The following FBXO11 variants were observed in gnomAD, a reference collection of about 807,000 sequenced individuals.
FBXO11 encodes the protein F-box only protein 11.
In FBXO11, 13 loss-of-function variants were observed where a neutral mutation model predicts 117.0. That is an observed-to-expected ratio of 0.11 (90% CI 0.07 to 0.18). The LOEUF (loss-of-function observed/expected upper bound fraction) is 0.18. Ranked by LOEUF, FBXO11 falls within the 10% of genes least tolerant of loss-of-function variation. FBXO11 has a pLI of 1.00. For synonymous variants in FBXO11, 490 were observed against 380.5 expected (o/e 1.29, Z -3.35); for missense variants, 767 against 1,164.4 (o/e 0.66, Z 4.97).
intron 1 of FBXO11, among the ~76,000 whole-genome samples, chr2:47,849,132 C>G (rs1673644833): frequency 6.6e-6 from 1 of 151,564 alleles, no homozygotes; most frequent in African/African-American, 2.4e-5. Context: ...CAGTTGGAAA[C>G]TACCACAGCT....
chr2:47,817,406 T>C (rs1413323472), intron 16 of FBXO11, among the ~76,000 whole-genome samples: 1 of 152,230 alleles, frequency 6.6e-6, no homozygotes, highest in Non-Finnish European at 1.5e-5. Context: ...TTTATTTTGC[T>C]TTGAACCCTG....
At chr2:47,833,668 C>G (rs556831956) in intron 7 of FBXO11, among the ~76,000 whole-genome samples, 1 of 152,266 alleles carries the variant, frequency 6.6e-6, no homozygotes, top group African/African-American at 2.4e-5. Flanking sequence ...TTCTTAGAAA[C>G]CTGACCATAA....
At chr2:47,844,531 C>T (rs1673260341) in intron 1 of FBXO11, among the ~76,000 whole-genome samples, 1 of 152,204 alleles carries the variant, frequency 6.6e-6, no homozygotes, top group Admixed American at 6.5e-5. Flanking sequence ...GCAACACTAG[C>T]TCCCGCTTAC....
intron 4 of FBXO11, among the ~76,000 whole-genome samples, chr2:47,836,483 C>A (rs942647357): frequency 7.2e-5 from 11 of 152,026 alleles, no homozygotes. Flanking sequence ...ATCCTCCCAC[C>A]TCAGCCTCCC....
chr2:47,820,678 G>A (rs1017958726), intron 13 of FBXO11, among the ~76,000 whole-genome samples: 1 of 152,132 alleles, frequency 6.6e-6, no homozygotes, highest in African/African-American at 2.4e-5. Context: ...TTGAATCCCA[G>A]GAATTCCACT....
rs1179390564 is a variant in FBXO11, at chr2:47,807,396, G to GTGAT, written c.*718_*721dup. 4.8e-6 allele frequency: 1 copy of GTGAT among 207,198 alleles called. No homozygotes were observed. Among genetic ancestry groups the GTGAT allele is most frequent in the Non-Finnish European group, 9.9e-6 (1 of 101,520 alleles). The allele number at this position is 207,198 out of a possible 1,614,324, so 12.8% of individuals were successfully genotyped here. ...ATTAAAACACTCACTTTTTCTAGGG[G>GTGAT]TGATTTTGAATGCTGCACAGGGAAG... On this transcript the variant is annotated 3_prime_UTR_variant, in exon 23 of 23. Transcript: ENST00000403359.
At chr2:47,819,443 T>G (rs952088726) in intron 14 of FBXO11, among the ~76,000 whole-genome samples, 10 of 152,204 alleles carry the variant, frequency 6.6e-5, no homozygotes, top group Non-Finnish European at 2.9e-5. Context: ...CTTGAACTCC[T>G]GACCTCGTGA....
intron 11 of FBXO11, among the ~76,000 whole-genome samples, chr2:47,827,560 G>C (rs1363160615): frequency 6.6e-6 from 1 of 152,194 alleles, no homozygotes; most frequent in African/African-American, 2.4e-5. Context: ...GCTCGCCTCG[G>C]CTTCCCGAAG....
At chr2:47,900,664 GTACGTATATACACACGTA>G (rs1558486802) in intron 1 of FBXO11, among the ~76,000 whole-genome samples, 2 of 59,968 alleles carry the variant, frequency 3.3e-5, no homozygotes, top group Non-Finnish European at 7.1e-5. Context: ...ATACACACAC[GTACGTATATACACACGTA>G]TACACACACG....
intron 1 of FBXO11, among the ~76,000 whole-genome samples, chr2:47,875,935 C>T (rs1387421457): frequency 6.6e-6 from 1 of 152,142 alleles, no homozygotes; most frequent in Non-Finnish European, 1.5e-5. Context: ...GCAGCAGCAG[C>T]AAACATGTAT....
Position 47,906,025 on chromosome 2 carries a change from G to T in FBXO11, c.-305C>A. 1 of 292,584 alleles carries T rather than the reference G, an allele frequency of 3.4e-6. No homozygotes were observed. The highest frequency in any genetic ancestry group is 6.4e-6 in the Non-Finnish European group (1 of 156,066). 18.1% of individuals were successfully genotyped at this position (292,584 alleles called of 1,614,324 possible). On this transcript the variant is annotated 5_prime_UTR_variant, in exon 1 of 23. Coordinates refer to ENST00000403359, the MANE Select transcript of FBXO11 (RefSeq NM_001190274.2). ...AGAAAGACGGGCAGACCGAGAGAAA[G>T]AAAGAAAGGGCGTCCGCCGCTTGGG...
At chr2:47,903,084 T>G (rs1029034399) in intron 1 of FBXO11, among the ~76,000 whole-genome samples, 1 of 152,050 alleles carries the variant, frequency 6.6e-6, no homozygotes, top group Middle Eastern at 3.2e-3. Flanking sequence ...CGAAATAGAG[T>G]ATTCTTAGTT....
intron 1 of FBXO11, among the ~76,000 whole-genome samples, chr2:47,899,040 C>T (rs1677891665): frequency 6.6e-6 from 1 of 151,710 alleles, no homozygotes; most frequent in African/African-American, 2.4e-5. Context: ...TTTGGGAGGC[C>T]GAGGCGGGCG....
intron 1 of FBXO11, among the ~76,000 whole-genome samples, chr2:47,863,129 C>T (rs1473258590): frequency 1.4e-5 from 2 of 142,510 alleles, no homozygotes; most frequent in Non-Finnish European, 3.1e-5. Flanking sequence ...CAAAACGAAA[C>T]AAAAGTTTTC....
intron 18 of FBXO11, among the ~76,000 whole-genome samples, chr2:47,812,107 G>GA (rs1670660179): frequency 6.6e-6 from 1 of 150,810 alleles, no homozygotes; most frequent in African/African-American, 2.4e-5. Flanking sequence ...ACTGCATATG[G>GA]AAAACCTCAT....
At chr2:47,835,359 CA>C (rs1266354273) in intron 5 of FBXO11, among the ~76,000 whole-genome samples, 1 of 152,216 alleles carries the variant, frequency 6.6e-6, no homozygotes, top group Non-Finnish European at 1.5e-5. Flanking sequence ...AATACAAGTT[CA>C]AACAGACCCA....
intron 1 of FBXO11, among the ~76,000 whole-genome samples, chr2:47,897,575 T>C (rs984585718): frequency 6.6e-5 from 10 of 151,898 alleles, no homozygotes; most frequent in Admixed American, 2.0e-4. Flanking sequence ...TGTGCACCTA[T>C]AATCCCAGCT....
At chr2:47,874,488 C>T (rs1015424052) in intron 1 of FBXO11, among the ~76,000 whole-genome samples, 1 of 151,976 alleles carries the variant, frequency 6.6e-6, no homozygotes, top group Non-Finnish European at 1.5e-5. Context: ...ACAGCAAATA[C>T]CTCTTTGTAC....
At chr2:47,818,504 T>A (rs1452134035) in intron 16 of FBXO11, 1 of 320,062 alleles carries the variant, frequency 3.1e-6, no homozygotes, top group East Asian at 5.2e-5. Context: ...ACTCTCCAAG[T>A]ATGAAGGATC....
Sources: gnomAD v4.1 joint callset for allele counts (sites outside exome capture counted in the v4.1 genomes callset) on GRCh38, gnomAD v4.1.1 for gene constraint, MANE v1.5 for transcripts, NCBI Gene and HGNC (gene_info 2026-07-23, HGNC 2026-07-21) for gene names.